Variants in SLC6A3 observed in about 807,000 individuals in gnomAD.
SLC6A3 encodes sodium-dependent dopamine transporter.
SLC6A3 carries 19 observed loss-of-function variants against 70.4 expected under a neutral mutation model. The ratio of observed to expected loss-of-function variants is 0.27; its 90% confidence interval spans 0.19 to 0.40. The LOEUF is 0.40. Ranked by LOEUF, SLC6A3 falls within the 10% of genes least tolerant of loss-of-function variation. SLC6A3 has a pLI of 1.00. For missense variants in SLC6A3, 613 were observed against 838.5 expected, an observed-to-expected ratio of 0.73 and a Z score of 3.32; for synonymous variants, 368 against 356.6, an observed-to-expected ratio of 1.03 and a Z score of -0.36.
chr5:1,396,888 T>C lies in SLC6A3; in HGVS notation c.1840-2130A>G, dbSNP rs1035513458. Among the ~76,000 whole-genome samples the C allele has an allele frequency of 3.3e-5, 5 of 151,968 alleles. No homozygotes were observed. The highest frequency in any genetic ancestry group is 7.4e-5 in the Non-Finnish European group (5 of 68,000). ...ATATCTAGAGATGCAACAAATGAAA[T>C]TGTAAGAAGGGCAAGGGAAAGATCA... On this transcript the variant is annotated intron_variant, in intron 14 of 14. Transcript: ENST00000270349. The surrounding 1 kb of genome is among the most constrained non-coding windows in gnomAD (Gnocchi z 7.0).
In SLC6A3 at chr5:1,400,940, T is replaced by C; in HGVS notation, c.1814A>G (p.Asp605Gly). Residue 605 changes from aspartate to glycine, a missense_variant, in exon 14 of 15, where the codon GAC becomes GGC. By Grantham distance (94) the Asp-to-Gly change is moderately conservative. Transcript: ENST00000270349. ...CGTGAACTGGCGCACCTCCCCTCTG[T>C]CCACCAGCTCACGGTCCTTCTCGGG... ...IAPEKDRELVDRGEVRQFTLR... is the reference protein window; with the variant it reads ...IAPEKDRELVGRGEVRQFTLR... 6.3e-7 allele frequency: 1 copy of C among 1,594,888 alleles called. No individual in the cohort carries two copies. Among genetic ancestry groups the C allele is most frequent in the Non-Finnish European group, 8.6e-7 (1 of 1,168,750 alleles).
At position 1,413,906 on chromosome 5, in the gene SLC6A3, G is replaced by A. The variant is rs949781273; in HGVS notation, c.1156+785C>T. 7.9e-5 allele frequency among the ~76,000 whole-genome samples: 12 copies of A among 152,296 alleles called. No homozygotes were observed. Among genetic ancestry groups the A allele is most frequent in the Admixed American group, 4.6e-4 (7 of 15,294 alleles). On this transcript the variant is annotated intron_variant, in intron 8 of 14. Transcript: ENST00000270349. The surrounding 1 kb of genome is among the most constrained non-coding windows in gnomAD (Gnocchi z 7.1). ...CCCCTGCATCTGTGCCCGTCCTGCCGGCTCCATCCTGCCTGGCACACTTCT... is the reference window on the plus strand; with the variant it reads ...CCCCTGCATCTGTGCCCGTCCTGCCAGCTCCATCCTGCCTGGCACACTTCT...
chr5:1,414,564 A>G, intron 8 of SLC6A3, 127 bp downstream of exon 8: 1 of 994,590 alleles, frequency 1.0e-6, no homozygotes, highest in Non-Finnish European at 1.5e-6. Context: ...AGAGTGAGGC[A>G]GCAACTCTCA....
chr5:1,401,883 G>T lies in SLC6A3; in HGVS notation c.1768-897C>A, dbSNP rs1170934254. 1.3e-5 allele frequency among the ~76,000 whole-genome samples: 2 copies of T among 152,226 alleles called. No individual in the cohort carries two copies. The highest frequency in any genetic ancestry group is 2.9e-5 in the Non-Finnish European group (2 of 68,034). ...CAGGTCAGCCCGTGGGGGTCTGAGA[G>T]GGACTGTCCACAGCAGGGTGCCATC... is the stretch of plus-strand genomic sequence containing the variant. On this transcript the variant is annotated intron_variant, in intron 13 of 14. Coordinates refer to ENST00000270349, the MANE Select transcript of SLC6A3 (RefSeq NM_001044.5). This position sits in a 1 kb window ranked among gnomAD's most constrained non-coding sequence, Gnocchi z 6.1.
chr5:1,412,449 G>A (rs1007398780), intron 8 of SLC6A3, among the ~76,000 whole-genome samples: 1 of 152,210 alleles, frequency 6.6e-6, no homozygotes, highest in Non-Finnish European at 1.5e-5. Flanking sequence ...GGCTGAGGGC[G>A]GCATGGCAAA....
At chr5:1,433,335 G>A (rs1756751635) in intron 3 of SLC6A3, among the ~76,000 whole-genome samples, 1 of 151,990 alleles carries the variant, frequency 6.6e-6, no homozygotes, top group Admixed American at 6.5e-5. Context: ...CATCAAGACT[G>A]CCAATAGTCA....
At chr5:1,410,761 T>C (rs2126342235) in intron 9 of SLC6A3, among the ~76,000 whole-genome samples, 1 of 152,294 alleles carries the variant, frequency 6.6e-6, no homozygotes. Context: ...GAGCCAAGTC[T>C]TTGGTGGCTG....
At position 1,394,936 on chromosome 5, in the gene SLC6A3, C is replaced by T. The variant is rs991330634; in HGVS notation, c.1840-178G>A. ...GGACCAACACACCCTTGACAGGTGC[C>T]GGGGATCCGATGCCTCACTCAAACT... On this transcript the variant is annotated intron_variant, in intron 14 of 14. Transcript: ENST00000270349. This position sits in a 1 kb window ranked among gnomAD's most constrained non-coding sequence, Gnocchi z 4.7. Among the ~76,000 whole-genome samples the T allele has an allele frequency of 6.6e-6, 1 of 152,188 alleles. No homozygotes were observed. The highest frequency in any genetic ancestry group is 1.5e-5 in the Non-Finnish European group (1 of 68,032).
Position 1,405,922 on chromosome 5 carries a change from G to A in SLC6A3, c.1599+266C>T, listed in dbSNP as rs998123947. Among the ~76,000 whole-genome samples the A allele has an allele frequency of 2.0e-5, 3 of 152,204 alleles. No homozygotes were observed. The highest frequency in any genetic ancestry group is 3.9e-4 in the East Asian group (2 of 5,194). ...GCTTCCCCTCCCAACACAGAGGCGC[G>A]GCCCAAGTGCAGGACTCACAACGGA... On this transcript the variant is annotated intron_variant, in intron 12 of 14. Coordinates refer to ENST00000270349, the MANE Select transcript of SLC6A3 (RefSeq NM_001044.5). The surrounding 1 kb of genome is among the most constrained non-coding windows in gnomAD (Gnocchi z 5.3).
rs1478448402 is a variant in SLC6A3, at chr5:1,436,861, G to T, written c.419-4163C>A. Among the ~76,000 whole-genome samples the T allele has an allele frequency of 3.3e-5, 5 of 152,168 alleles. No homozygotes were observed. Among genetic ancestry groups the T allele is most frequent in the Admixed American group, 2.6e-4 (4 of 15,278 alleles). ...CCCACGAGAGCTGGCTTCAGGAGAG[G>T]GTGTTGTCAACGCATGCACGGATCC... On this transcript the variant is annotated intron_variant, in intron 3 of 14. Transcript: ENST00000270349. The surrounding 1 kb of genome is among the most constrained non-coding windows in gnomAD (Gnocchi z 5.2).
At position 1,442,706 on chromosome 5, in the gene SLC6A3, A is replaced by T. The variant is rs562317554; in HGVS notation, c.286+206T>A. On this transcript the variant is annotated intron_variant, in intron 2 of 14. Coordinates refer to ENST00000270349, the MANE Select transcript of SLC6A3 (RefSeq NM_001044.5). This position sits in a 1 kb window ranked among gnomAD's most constrained non-coding sequence, Gnocchi z 5.0. The stretch of plus-strand genomic sequence containing the variant: ...CTCCCTTTCCTAAACTCTGAAATGC[A>T]GGCGTGGGACAAGGCAGCTCCGAGT... Among the ~76,000 whole-genome samples the T allele has an allele frequency of 6.6e-6, 1 of 150,922 alleles. No individual in the cohort carries two copies. Among genetic ancestry groups the T allele is most frequent in the East Asian group, 1.9e-4 (1 of 5,132 alleles).
At chr5:1,441,309 C>A (rs377279136) in intron 3 of SLC6A3, 50 bp downstream of exon 3, 3 of 1,611,810 alleles carry the variant, frequency 1.9e-6, no homozygotes, top group South Asian at 2.2e-5. Flanking sequence ...TCCAGCGTCA[C>A]CACCATGATC....
intron 6 of SLC6A3, 70 bp from the exon 7 acceptor site, chr5:1,416,271 C>T (rs1444611288): frequency 3.6e-6 from 4 of 1,108,704 alleles, no homozygotes; most frequent in East Asian, 2.4e-5. Flanking sequence ...ACCTGAGCAC[C>T]CTTCCTGTCC....
chr5:1,394,945 G>A lies in SLC6A3; in HGVS notation c.1840-187C>T, dbSNP rs369822232. 1.6e-4 allele frequency among the ~76,000 whole-genome samples: 24 copies of A among 152,192 alleles called. No individual in the cohort carries two copies. In the East Asian group the frequency reaches 3.5e-3, roughly 22 times the overall value. On this transcript the variant is annotated intron_variant, in intron 14 of 14. Transcript: ENST00000270349. This position sits in a 1 kb window ranked among gnomAD's most constrained non-coding sequence, Gnocchi z 4.7. ...CACCCTTGACAGGTGCCGGGGATCC[G>A]ATGCCTCACTCAAACTCCTACAAAT...
Position 1,400,903 on chromosome 5 carries a change from C to T in SLC6A3, c.1839+12G>A, listed in dbSNP as rs774338875. 11 of 1,570,388 alleles carry T rather than the reference C, an allele frequency of 7.0e-6. No individual in the cohort carries two copies. The African/African-American group carries it at 1.1e-4, about 15-fold the overall frequency. ...TCCCCCGAGAGAGGCCCAGCAGGGA[C>T]CTCGACCTCACCGTGAACTGGCGCA... On this transcript the variant is annotated intron_variant, in intron 14 of 14. Transcript: ENST00000270349.
Position 1,406,797 on chromosome 5 carries a change from C to T in SLC6A3, c.1499-509G>A, listed in dbSNP as rs1295072176. On this transcript the variant is annotated intron_variant, in intron 11 of 14. Transcript: ENST00000270349. The surrounding 1 kb of genome is among the most constrained non-coding windows in gnomAD (Gnocchi z 8.8). ...TTCTGCCCTCATGAAACGCCAACTCCTCCCGACCCCCAACCCCCGCCAGGC... is the reference window on the plus strand; with the variant it reads ...TTCTGCCCTCATGAAACGCCAACTCTTCCCGACCCCCAACCCCCGCCAGGC... Among the ~76,000 whole-genome samples the T allele has an allele frequency of 1.3e-5, 2 of 152,138 alleles. No individual in the cohort carries two copies. Among genetic ancestry groups the T allele is most frequent in the East Asian group, 3.9e-4 (2 of 5,194 alleles).
At chr5:1,412,972 C>T (rs1283158795) in intron 8 of SLC6A3, among the ~76,000 whole-genome samples, 3 of 152,344 alleles carry the variant, frequency 2.0e-5, no homozygotes, top group African/African-American at 7.2e-5. Flanking sequence ...AGCCAGGAGC[C>T]TGGGAAGATA....
chr5:1,441,889 C>A (rs1051809337), intron 2 of SLC6A3, among the ~76,000 whole-genome samples: 36 of 152,190 alleles, frequency 2.4e-4, no homozygotes, highest in Non-Finnish European at 4.6e-4. Context: ...GACCCCCCAA[C>A]TCTGCCCCTG....
chr5:1,416,568 CGGCCT>C, intron 6 of SLC6A3: 1 of 389,082 alleles, frequency 2.6e-6, no homozygotes, highest in Non-Finnish European at 4.9e-6. Context: ...CGGAACAGCA[CGGCCT>C]CATCTACACA....
Sources: allele counts gnomAD v4.1 joint callset (sites outside exome capture counted in the v4.1 genomes callset), GRCh38; gene constraint gnomAD v4.1.1; non-coding constraint Gnocchi (gnomAD v3.1); transcripts MANE v1.5; gene names NCBI Gene and HGNC (gene_info 2026-07-23, HGNC 2026-07-21).